ZFPM1: variants seen among roughly 807,000 people sequenced by gnomAD.
ZFPM1 encodes zinc finger protein, FOG family member 1.
In ZFPM1, 28 loss-of-function variants were observed where a neutral mutation model predicts 46.3. The ratio of observed to expected loss-of-function variants is 0.60; its 90% CI spans 0.45 to 0.83. ZFPM1 has a LOEUF of 0.83. Among genes scored for constraint, ZFPM1 ranks in the 40% least tolerant of loss-of-function variants. The probability of loss-of-function intolerance (pLI) is 0.00; values close to 1 mark genes in which losing one functional copy is unlikely to be tolerated. For missense variants in ZFPM1, 1,878 were observed against 1,432.4 expected (o/e 1.31, Z -5.02); for synonymous variants, 957 against 675.9 (o/e 1.42, Z -6.45).
rs111485724 is a variant in ZFPM1 at position 88,501,341 on chromosome 16, C to A, written c.268+12188C>A. The stretch of plus-strand genomic sequence containing the variant: ...AGATAGCAGACATGGGTGCGGGGCC[C>A]TCCCGCAGGTGCTGGTGATGATGGA... On this transcript the variant is annotated intron_variant, in intron 3 of 9. Coordinates refer to ENST00000319555, the MANE Select transcript of ZFPM1 (RefSeq NM_153813.3). Among the ~76,000 whole-genome samples, 607 of 78,562 alleles carry A rather than the reference C, an allele frequency of 7.7e-3. 2 individuals are homozygous for A. Among genetic ancestry groups the A allele is most frequent in the Middle Eastern group, 0.026 (2 of 76 alleles). 51.5% of individuals were successfully genotyped at this position (78,562 alleles called of 152,430 possible).
chr16:88,497,661 C>T lies in ZFPM1; in HGVS notation c.268+8508C>T, dbSNP rs1044930503. The stretch of plus-strand genomic sequence containing the variant: ...GGGGGTGTTCGTGCCGTGAGCGATC[C>T]GGTCCAGCATCCCGGCGCTGGGAGC... On this transcript the variant is annotated intron_variant, in intron 3 of 9. Transcript: ENST00000319555. The surrounding 1 kb of genome is among the most constrained non-coding windows in gnomAD (Gnocchi z 5.4). Among the ~76,000 whole-genome samples, 3 of 152,104 alleles carry T rather than the reference C, an allele frequency of 2.0e-5. No homozygotes were observed. The highest frequency in any genetic ancestry group is 7.2e-5 in the African/African-American group (3 of 41,418).
chr16:88,479,586 C>T (rs554644710), intron 1 of ZFPM1, among the ~76,000 whole-genome samples: 2 of 152,208 alleles, frequency 1.3e-5, no homozygotes, highest in African/African-American at 4.8e-5. Context: ...GCCCGCTGCC[C>T]AGCTGGTGGG....
At chr16:88,490,288 G>A (rs1460663051) in intron 3 of ZFPM1, among the ~76,000 whole-genome samples, 3 of 152,242 alleles carry the variant, frequency 2.0e-5, no homozygotes, top group East Asian at 1.9e-4. Flanking sequence ...TCCTGACCTC[G>A]TGATCCGCCC....
Position 88,516,374 on chromosome 16 carries a change from G to A in ZFPM1, c.402+1854G>A, listed in dbSNP as rs539243425. 1.1e-3 allele frequency: 423 copies of A among 397,740 alleles called. 1 individual carries two copies. The highest frequency in any genetic ancestry group is 7.8e-3 in the African/African-American group (379 of 48,760). 24.6% of individuals were successfully genotyped at this position (397,740 alleles called of 1,614,324 possible). On this transcript the variant is annotated intron_variant, in intron 4 of 9. Transcript: ENST00000319555. Reference sequence around the variant, plus strand: ...AGGGCACAGGCCATCCTGGGGATACGGGCACGGGGTTAGAAACGCTCCCAA... The same window carrying A: ...AGGGCACAGGCCATCCTGGGGATACAGGCACGGGGTTAGAAACGCTCCCAA...
At chr16:88,473,225 T>G (rs978274111) in intron 1 of ZFPM1, among the ~76,000 whole-genome samples, 2 of 152,260 alleles carry the variant, frequency 1.3e-5, no homozygotes, top group African/African-American at 4.8e-5. Flanking sequence ...GGGTGAATCC[T>G]GCTCCTGGCC....
At chr16:88,475,520 G>T (rs571443062) in intron 1 of ZFPM1, among the ~76,000 whole-genome samples, 40 of 152,144 alleles carry the variant, frequency 2.6e-4, no homozygotes, top group Non-Finnish European at 5.1e-4. Flanking sequence ...GTCCGGGGGG[G>T]GGAGCACAGC....
rs1306287547 is a variant in ZFPM1, at chr16:88,536,346, AACATTTTTATAGAG to A, written c.*1371_*1384del. 1 of 152,066 alleles carries A rather than the reference AACATTTTTATAGAG, an allele frequency of 6.6e-6. No individual in the cohort carries two copies. The highest frequency in any genetic ancestry group is 2.4e-5 in the African/African-American group (1 of 41,390). The allele number at this position is 152,066 out of a possible 1,614,324, so 9.4% of individuals were successfully genotyped here. A position where few individuals can be genotyped will look rare whatever the true frequency, so the allele number is the denominator to read the frequency against. Reference sequence around the variant, plus strand: ...CCCACCACACCTGGCTAACTTTTAAAACATTTTTATAGAGACAGGGTCTTCCTGTGTTGCCCAAG... The same window carrying A: ...CCCACCACACCTGGCTAACTTTTAAAACAGGGTCTTCCTGTGTTGCCCAAG... On this transcript the variant is annotated 3_prime_UTR_variant, in exon 10 of 10. Coordinates refer to ENST00000319555, the MANE Select transcript of ZFPM1 (RefSeq NM_153813.3).
At chr16:88,495,900 A>G (rs1198459747) in intron 3 of ZFPM1, among the ~76,000 whole-genome samples, 1 of 152,152 alleles carries the variant, frequency 6.6e-6, no homozygotes, top group Non-Finnish European at 1.5e-5. Context: ...ATGCTAAGGC[A>G]AGAGGAGCAC....
At chr16:88,500,641 G>A (rs1368604930) in intron 3 of ZFPM1, among the ~76,000 whole-genome samples, 8 of 152,248 alleles carry the variant, frequency 5.3e-5, no homozygotes. Flanking sequence ...CAACCCTCCC[G>A]CTGGCACAAC....
intron 1 of ZFPM1, among the ~76,000 whole-genome samples, chr16:88,472,809 T>C (rs1479592695): frequency 1.3e-5 from 2 of 152,244 alleles, no homozygotes; most frequent in African/African-American, 4.8e-5. Context: ...CTCTCCCTGA[T>C]GGTGGCTCCC....
Position 88,534,887 on chromosome 16 carries a change from C to T in ZFPM1, c.2929C>T (p.Arg977Cys). Residue 977 changes from arginine to cysteine, a missense_variant, in exon 10 of 10, where the codon CGT (arginine) becomes TGT (cysteine). Physicochemically the swap from Arg to Cys is radical, Grantham distance 180. Coordinates refer to ENST00000319555, the MANE Select transcript of ZFPM1 (RefSeq NM_153813.3). ...GCCCAACGGCAACCACCGGTACTGCCGTCTTTGCAACATCAAGTTCAGCAG... is the reference window on the plus strand; with the variant it reads ...GCCCAACGGCAACCACCGGTACTGCTGTCTTTGCAACATCAAGTTCAGCAG... ...PLPNGNHRYC[R>C]LCNIKFSSLS... is the part of the protein sequence containing the mutation. 4 of 1,568,746 alleles carry T rather than the reference C, an allele frequency of 2.5e-6. No individual in the cohort carries two copies. Among genetic ancestry groups the T allele is most frequent in the Non-Finnish European group, 3.4e-6 (4 of 1,162,004 alleles).
chr16:88,534,269 C>A lies in ZFPM1; in HGVS notation c.2311C>A (p.Pro771Thr). The part of the protein sequence containing the change: ...GHAPAPESPR[P>T]GSGSGSGPGL... ...CGCCCCCGCGCCCGAGTCGCCGCGG[C>A]CCGGAAGCGGAAGCGGAAGCGGCCC... The change falls in exon 10 of 10, where the codon CCC (proline) becomes ACC (threonine). Residue 771 changes from proline to threonine, a missense_variant. Transcript: ENST00000319555. The A allele has an allele frequency of 8.9e-7, 1 of 1,118,296 alleles. No individual in the cohort carries two copies. Among genetic ancestry groups the A allele is most frequent in the Non-Finnish European group, 1.1e-6 (1 of 919,620 alleles). 69.3% of individuals were successfully genotyped at this position (1,118,296 alleles called of 1,614,324 possible). A position where few individuals can be genotyped will look rare whatever the true frequency, so the allele number is the denominator to read the frequency against.
At position 88,533,436 on chromosome 16, in the gene ZFPM1, G is replaced by A. The variant is rs1450784826; in HGVS notation, c.1478G>A (p.Arg493His). 3.4e-6 allele frequency: 5 copies of A among 1,460,740 alleles called. No individual in the cohort carries two copies. The East Asian group carries it at 1.1e-4, about 33-fold the overall frequency. The allele number at this position is 1,460,740 out of a possible 1,614,324, so 90.5% of individuals were successfully genotyped here. A position where few individuals can be genotyped will look rare whatever the true frequency, so the allele number is the denominator to read the frequency against. ...PQAPSRTPSP[R>H]SPAPARVKAE... is the part of the protein sequence containing the mutation. ...GCCCCGTCGCGGACGCCGTCGCCGC[G>A]CAGCCCCGCCCCGGCCAGGGTCAAG... The change falls in exon 10 of 10, where the codon CGC becomes CAC. Residue 493 changes from arginine to histidine, a missense_variant. By Grantham distance (29) the Arg-to-His change is conservative (BLOSUM62 0). Coordinates refer to ENST00000319555, the MANE Select transcript of ZFPM1 (RefSeq NM_153813.3).
At chr16:88,522,237 G>C (rs1036101695) in intron 4 of ZFPM1, 10 of 152,378 alleles carry the variant, frequency 6.6e-5, no homozygotes, top group African/African-American at 2.4e-4. Flanking sequence ...CCTCACCTGG[G>C]AAGTGTACTC....
rs755617370 is a variant in ZFPM1 at position 88,533,663 on chromosome 16, C to G, written c.1705C>G (p.Leu569Val). The change falls in exon 10 of 10, where the codon CTC (leucine) becomes GTC (valine). Residue 569 changes from leucine (L) to valine (V), a missense_variant. Physicochemically the swap from Leu to Val is conservative, Grantham distance 32. Coordinates refer to ENST00000319555, the MANE Select transcript of ZFPM1 (RefSeq NM_153813.3). ...GAGAGGAQTG[L>V]FPGAPKGATC... ...GGGCGCCGGCGGCGCGCAGACCGGGCTCTTCCCCGGGGCCCCCAAGGGCGC... is the reference window on the plus strand; with the variant it reads ...GGGCGCCGGCGGCGCGCAGACCGGGGTCTTCCCCGGGGCCCCCAAGGGCGC... 1 of 1,482,394 alleles carries G rather than the reference C, an allele frequency of 6.7e-7. No homozygotes were observed. Among genetic ancestry groups the G allele is most frequent in the Non-Finnish European group, 9.0e-7 (1 of 1,112,316 alleles). The allele number at this position is 1,482,394 out of a possible 1,614,324, so 91.8% of individuals were successfully genotyped here. A position where few individuals can be genotyped will look rare whatever the true frequency, so the allele number is the denominator to read the frequency against.
chr16:88,459,750 C>T (rs147826857), intron 1 of ZFPM1, among the ~76,000 whole-genome samples: 740 of 66,994 alleles, frequency 0.011, 46 homozygotes, highest in African/African-American at 0.056. Flanking sequence ...TCCTCCTCCC[C>T]TTCCTCCTCC....
rs1908871086 is a variant in ZFPM1, at chr16:88,480,242, C to CT, written c.41-5694dup. On this transcript the variant is annotated intron_variant, in intron 1 of 9. Transcript: ENST00000319555. This position sits in a 1 kb window ranked among gnomAD's most constrained non-coding sequence, Gnocchi z 4.9. ...GCCTTCCTGGATGGCACCTCTGACT[C>CT]TTTCCTGTGGTGCTCACACTGGCAT... Among the ~76,000 whole-genome samples, 1 of 152,134 alleles carries CT rather than the reference C, an allele frequency of 6.6e-6. No individual in the cohort carries two copies. The highest frequency in any genetic ancestry group is 1.5e-5 in the Non-Finnish European group (1 of 68,022).
rs997599593 is a variant in ZFPM1, at chr16:88,514,370, G to A, written c.269-17G>A. Reference sequence around the variant, plus strand: ...CCCAGACCGGGCACGCCTCATGCCTGCGATGTCTCTCTGCAGACGAGCTGG... The same window carrying A: ...CCCAGACCGGGCACGCCTCATGCCTACGATGTCTCTCTGCAGACGAGCTGG... On this transcript the variant is annotated splice_polypyrimidine_tract_variant and intron_variant, in intron 3 of 9. Transcript: ENST00000319555. 3.2e-6 allele frequency: 5 copies of A among 1,561,962 alleles called. No individual in the cohort carries two copies. The highest frequency in any genetic ancestry group is 1.4e-5 in the African/African-American group (1 of 73,722).
intron 2 of ZFPM1, among the ~76,000 whole-genome samples, chr16:88,487,879 T>G (rs1909321317): frequency 6.6e-6 from 1 of 152,152 alleles, no homozygotes; most frequent in Non-Finnish European, 1.5e-5. Flanking sequence ...CCAGGCCAGG[T>G]GCAGGCGTCC....
Sources: gnomAD v4.1 joint callset for allele counts (sites outside exome capture counted in the v4.1 genomes callset) on GRCh38, gnomAD v4.1.1 for gene constraint, Gnocchi (gnomAD v3.1) non-coding constraint, MANE v1.5 for transcripts, NCBI Gene and HGNC (gene_info 2026-07-23, HGNC 2026-07-21) for gene names.